The following MGMT variants were observed in gnomAD, a reference collection of about 807,000 sequenced individuals.
MGMT encodes the protein O-6-methylguanine-DNA methyltransferase.
A neutral mutation model predicts 15.9 loss-of-function variants in MGMT; 14 were observed. The ratio of observed to expected loss-of-function variants is 0.88; its 90% CI spans 0.58 to 1.37. The LOEUF (loss-of-function observed/expected upper bound fraction) is 1.37, where lower values mean the gene tolerates loss of function less well. MGMT is among the 40% of genes most tolerant of loss of function. The pLI is 0.00. For missense variants in MGMT, 282 were observed against 268.1 expected (o/e 1.05, Z -0.36); for synonymous variants, 130 against 118.2 (o/e 1.10, Z -0.65).
At chr10:129,754,889 A>T (rs1452558178) in intron 3 of MGMT, among the ~76,000 whole-genome samples, 4 of 150,858 alleles carry the variant, frequency 2.7e-5, no homozygotes, top group Non-Finnish European at 1.5e-5. Context: ...TTGAAACCTT[A>T]GCAGCAGGTG....
chr10:129,677,648 T>G (rs1847800715), intron 2 of MGMT, among the ~76,000 whole-genome samples: 2 of 152,198 alleles, frequency 1.3e-5, no homozygotes, highest in Admixed American at 1.3e-4. Context: ...CCTGCCTGCC[T>G]CCTCGTCCCT....
intron 1 of MGMT, among the ~76,000 whole-genome samples, chr10:129,486,176 T>C (rs887004507): frequency 1.9e-5 from 2 of 104,430 alleles, no homozygotes; most frequent in Non-Finnish European, 3.4e-5. Flanking sequence ...TCTTCTCTTC[T>C]CTTTTTTTTT....
intron 2 of MGMT, among the ~76,000 whole-genome samples, chr10:129,685,793 C>G (rs1847898486): frequency 6.6e-6 from 1 of 152,220 alleles, no homozygotes; most frequent in African/African-American, 2.4e-5. Flanking sequence ...GCAGGTACAC[C>G]TCACAGAAAG....
chr10:129,710,930 G>A (rs1848226121), intron 3 of MGMT, among the ~76,000 whole-genome samples: 1 of 152,128 alleles, frequency 6.6e-6, no homozygotes, highest in Non-Finnish European at 1.5e-5. Context: ...TTTCACCATA[G>A]TCTCACTTCT....
intron 2 of MGMT, among the ~76,000 whole-genome samples, chr10:129,587,739 A>G (rs1288206835): frequency 2.6e-5 from 4 of 151,302 alleles, no homozygotes; most frequent in Admixed American, 1.3e-4. Flanking sequence ...CCCGACCTAT[A>G]TTTTTCTACT....
chr10:129,648,387 G>A (rs1008887459), intron 2 of MGMT, among the ~76,000 whole-genome samples: 1 of 151,608 alleles, frequency 6.6e-6, no homozygotes, highest in Non-Finnish European at 1.5e-5. Context: ...TAATTCCTCC[G>A]AGACACCATT....
intron 2 of MGMT, among the ~76,000 whole-genome samples, chr10:129,593,873 A>G (rs1846719292): frequency 6.6e-6 from 1 of 152,210 alleles, no homozygotes; most frequent in Admixed American, 6.5e-5. Flanking sequence ...GGGGAGGCAA[A>G]TGTCGGCAGA....
At chr10:129,583,787 G>T (rs1846585590) in intron 2 of MGMT, among the ~76,000 whole-genome samples, 3 of 152,196 alleles carry the variant, frequency 2.0e-5, no homozygotes, top group Admixed American at 2.0e-4. Flanking sequence ...TCAACAGATG[G>T]AAACACCATT....
At chr10:129,704,034 C>T (rs1451502582) in intron 2 of MGMT, among the ~76,000 whole-genome samples, 4 of 152,118 alleles carry the variant, frequency 2.6e-5, no homozygotes, top group African/African-American at 4.8e-5. Context: ...CCCCTCTGTT[C>T]GGCCGCCTTC....
chr10:129,537,325 C>T (rs117610876), intron 2 of MGMT, among the ~76,000 whole-genome samples: 5,754 of 152,298 alleles, frequency 0.038, 171 homozygotes, highest in South Asian at 0.066. Flanking sequence ...TATCAGCACT[C>T]GCCTCCGCTG....
chr10:129,470,569 GC>G (rs1845219023), intron 1 of MGMT, among the ~76,000 whole-genome samples: 1 of 152,174 alleles, frequency 6.6e-6, no homozygotes. Context: ...AGTGGCTTTG[GC>G]AGGTGTGGAT....
chr10:129,601,122 A>G (rs1846816507), intron 2 of MGMT, among the ~76,000 whole-genome samples: 1 of 151,894 alleles, frequency 6.6e-6, no homozygotes, highest in Non-Finnish European at 1.5e-5. Flanking sequence ...TTAGATGTGA[A>G]AAATTCAACG....
chr10:129,737,573 C>A (rs1304292147), intron 3 of MGMT, among the ~76,000 whole-genome samples: 2 of 152,228 alleles, frequency 1.3e-5, no homozygotes, highest in Non-Finnish European at 2.9e-5. Context: ...CATTCTCCAT[C>A]CAGCTTTGTT....
In MGMT at chr10:129,720,733, G is replaced by T. The variant is rs933821035; in HGVS notation, c.274+12690G>T. ...CTTCTCTGTCTGAGCACTCAGAGCAGTGCCTGCCAATGCTGTGACAATGAA... is the reference window on the plus strand; with the variant it reads ...CTTCTCTGTCTGAGCACTCAGAGCATTGCCTGCCAATGCTGTGACAATGAA... On this transcript the variant is annotated intron_variant, in intron 3 of 4. Coordinates refer to ENST00000651593, the MANE Select transcript of MGMT (RefSeq NM_002412.5). Among the ~76,000 whole-genome samples, 4 of 152,222 alleles carry T rather than the reference G, an allele frequency of 2.6e-5. No homozygotes were observed. The East Asian group carries it at 7.7e-4, about 29-fold the overall frequency.
At chr10:129,605,003 G>T (rs1387096526) in intron 2 of MGMT, among the ~76,000 whole-genome samples, 3 of 152,174 alleles carry the variant, frequency 2.0e-5, no homozygotes, top group Admixed American at 1.3e-4. Flanking sequence ...TTATCTGTCT[G>T]CCTTCTGAGA....
chr10:129,609,273 A>AGGTTTGCTGGGGTAACCCTAGGCGGT (rs1386910697), intron 2 of MGMT, among the ~76,000 whole-genome samples: 1 of 151,994 alleles, frequency 6.6e-6, no homozygotes, highest in African/African-American at 2.4e-5. Flanking sequence ...TGGATGGTAG[A>AGGTTTGCTGGGGTAACCCTAGGCGGT]ACTGGAATCG....
At chr10:129,506,098 G>T (rs1845622369) in intron 1 of MGMT, among the ~76,000 whole-genome samples, 1 of 151,292 alleles carries the variant, frequency 6.6e-6, no homozygotes. Flanking sequence ...TGTCATGGTA[G>T]ACATTTGTGG....
At chr10:129,734,426 G>A (rs1234587309) in intron 3 of MGMT, among the ~76,000 whole-genome samples, 2 of 150,430 alleles carry the variant, frequency 1.3e-5, no homozygotes, top group African/African-American at 4.9e-5. Context: ...CTGAGACTTT[G>A]CTGAAGTTGC....
At position 129,480,837 on chromosome 10, in the gene MGMT, A is replaced by C. The variant is rs138121795; in HGVS notation, c.-13+13541A>C. On this transcript the variant is annotated intron_variant, in intron 1 of 4. Coordinates refer to ENST00000651593, the MANE Select transcript of MGMT (RefSeq NM_002412.5). ...ACATCCGCCAGATATGCAAGTCTGA[A>C]TAACTGTTGTTTGTGAGTCATTCAC... Among the ~76,000 whole-genome samples the C allele has an allele frequency of 3.3e-5, 5 of 152,370 alleles. No homozygotes were observed. In the East Asian group the frequency reaches 9.7e-4, roughly 29 times the overall value.
Sources: gnomAD v4.1 joint callset for allele counts (sites outside exome capture counted in the v4.1 genomes callset) on GRCh38, gnomAD v4.1.1 for gene constraint, MANE v1.5 for transcripts, NCBI Gene and HGNC (gene_info 2026-07-23, HGNC 2026-07-21) for gene names.